FAT1: variants seen among roughly 807,000 people sequenced by gnomAD.
FAT1 encodes the protein protocadherin Fat 1.
In FAT1, 171 loss-of-function variants were observed where a neutral mutation model predicts 329.8. The observed-to-expected ratio is 0.52, with a 90% confidence interval of 0.46 to 0.59. The LOEUF is 0.59. Ranked by LOEUF, FAT1 falls within the 20% of genes least tolerant of loss-of-function variation. The probability of loss-of-function intolerance (pLI) is 0.00; values close to 1 mark genes in which losing one functional copy is unlikely to be tolerated. For missense variants in FAT1, 5,672 were observed against 5,774.4 expected, an observed-to-expected ratio of 0.98 and a Z score of 0.57; for synonymous variants, 2,233 against 2,228.6, an observed-to-expected ratio of 1.00 and a Z score of -0.06.
chr4:186,679,877 T>C (rs1743133999), intron 2 of FAT1, among the ~76,000 whole-genome samples: 1 of 152,368 alleles, frequency 6.6e-6, no homozygotes, highest in East Asian at 1.9e-4. Flanking sequence ...TGTAGCAGGC[T>C]ATTTGTTAAA....
At position 186,603,855 on chromosome 4, in the gene FAT1, T is replaced by G. The variant is rs527571565; in HGVS notation, c.10671A>C (p.Glu3557Asp). ...PLEIFITSSG[E>D]EYSGGVIGKI... ...TCCCAATGACGCCACCTGAGTATTC[T>G]TCTCCAGAAGAGGTGATGAAAATCT... Residue 3557 changes from glutamate to aspartate, a missense_variant, in exon 19 of 27, where the codon GAA (glutamate) becomes GAC (aspartate). By Grantham distance (45) the Glu-to-Asp change is conservative. Around this residue, in one of 2 missense-constraint regions of FAT1, gnomAD observed 1,706 missense variants for 1,859.1 expected, o/e 0.92. Transcript: ENST00000441802. 8.7e-6 allele frequency: 14 copies of G among 1,613,946 alleles called. No homozygotes were observed. In the African/African-American group the frequency reaches 9.3e-5, roughly 11 times the overall value.
rs372899179 is a variant in FAT1 at position 186,618,579 on chromosome 4, G to T, written c.8007C>A (p.Phe2669Leu). 9.3e-6 allele frequency: 15 copies of T among 1,613,924 alleles called. No homozygotes were observed. In the African/African-American group the frequency reaches 2.0e-4, roughly 22 times the overall value. The stretch of plus-strand genomic sequence containing the variant: ...TATCCACAGCTCTAACAAAGAAAGT[G>T]AAGAATTCATTTTCCAAGCCAATGA... ...ESLIGLENEF[F>L]TFFVRAVDNG... The change falls in exon 10 of 27, where the codon TTC becomes TTA. Residue 2669 changes from phenylalanine (F) to leucine (L), a missense_variant. Physicochemically the swap from Phe to Leu is conservative, Grantham distance 22. Around this residue, in one of 2 missense-constraint regions of FAT1, gnomAD observed 3,966 missense variants for 3,915.2 expected, o/e 1.01. Coordinates refer to ENST00000441802, the MANE Select transcript of FAT1 (RefSeq NM_005245.4).
intron 3 of FAT1, among the ~76,000 whole-genome samples, chr4:186,659,125 A>T (rs1742048859): frequency 6.6e-6 from 1 of 152,180 alleles, no homozygotes; most frequent in South Asian, 2.1e-4. Flanking sequence ...AATGTGTTAC[A>T]ACTGCCTGCA....
Position 186,628,593 on chromosome 4 carries a change from A to T in FAT1, c.4494T>A (p.Asp1498Glu), listed in dbSNP as rs757240764. Residue 1498 changes from aspartate to glutamate, a missense_variant, in exon 8 of 27, where the codon GAT becomes GAA. Transcript: ENST00000441802. ...GACGAAATTTCTTGAGACTCAGTGG[A>T]TCTCTACTGCTCTGCAGAGTGTAGA... ...KLIYTLQSSR[D>E]PLSLKKFRLD... The T allele has an allele frequency of 6.2e-7, 1 of 1,613,940 alleles. No individual in the cohort carries two copies. Among genetic ancestry groups the T allele is most frequent in the Non-Finnish European group, 8.5e-7 (1 of 1,179,884 alleles).
At chr4:186,645,928 A>T (rs1400045767) in intron 3 of FAT1, among the ~76,000 whole-genome samples, 1 of 137,500 alleles carries the variant, frequency 7.3e-6, no homozygotes, top group African/African-American at 2.8e-5. Context: ...CTTAGGTTAC[A>T]GAGTGAGACT....
chr4:186,666,024 C>T (rs1349262076), intron 2 of FAT1, among the ~76,000 whole-genome samples: 9 of 107,486 alleles, frequency 8.4e-5, no homozygotes, highest in East Asian at 2.7e-4. Flanking sequence ...CATCACACAC[C>T]GGGGCCTGTC....
chr4:186,724,267 G>A (rs1000007580), upstream of FAT1, among the ~76,000 whole-genome samples: 4 of 151,310 alleles, frequency 2.6e-5, no homozygotes, highest in African/African-American at 9.8e-5. The surrounding 1 kb of genome is among the most constrained non-coding windows in gnomAD (Gnocchi z 5.3). Flanking sequence ...TAGCCTTCTG[G>A]GAGCCCCTGA....
chr4:186,631,150 G>A (rs1740565287), intron 7 of FAT1, among the ~76,000 whole-genome samples: 1 of 152,140 alleles, frequency 6.6e-6, no homozygotes, highest in Non-Finnish European at 1.5e-5. Context: ...ATACACAATG[G>A]CTGCTCTGTT....
intron 2 of FAT1, among the ~76,000 whole-genome samples, chr4:186,682,148 T>C (rs368223475): frequency 6.6e-6 from 1 of 152,196 alleles, no homozygotes; most frequent in African/African-American, 2.4e-5. Flanking sequence ...AAAACCTAGG[T>C]TGCCACCCAG....
At chr4:186,670,755 G>A (rs566184353) in intron 2 of FAT1, among the ~76,000 whole-genome samples, 1 of 152,258 alleles carries the variant, frequency 6.6e-6, no homozygotes, top group Admixed American at 6.5e-5. Flanking sequence ...TCAATAGTGA[G>A]TGCTTATAAA....
chr4:186,686,267 G>C (rs1249519961), intron 2 of FAT1, among the ~76,000 whole-genome samples: 1 of 141,594 alleles, frequency 7.1e-6, no homozygotes, highest in Admixed American at 7.8e-5. Context: ...AAGAAAACAT[G>C]TAGCGATTTT....
At chr4:186,676,212 G>A (rs1381354404) in intron 2 of FAT1, among the ~76,000 whole-genome samples, 3 of 150,946 alleles carry the variant, frequency 2.0e-5, no homozygotes, top group Non-Finnish European at 4.4e-5. Context: ...ATGAGTTCCT[G>A]CTTGAATTTT....
chr4:186,710,864 G>C lies in FAT1; in HGVS notation c.-18-1019C>G, dbSNP rs533185102. ...CCCTGGGTGACTGGCGGAGAAAAGA[G>C]AGAAACTGAAGAAATGAAGAAAACG... On this transcript the variant is annotated intron_variant, in intron 1 of 26. Coordinates refer to ENST00000441802, the MANE Select transcript of FAT1 (RefSeq NM_005245.4). Among the ~76,000 whole-genome samples the C allele has an allele frequency of 1.1e-4, 16 of 152,328 alleles. No individual in the cohort carries two copies. In the South Asian group the frequency reaches 3.1e-3, roughly 30 times the overall value.
rs2126496275 is a variant in FAT1, at chr4:186,618,523, A to T, written c.8063T>A (p.Leu2688His). Residue 2688 changes from leucine to histidine, a missense_variant, in exon 10 of 27, where the codon CTT becomes CAT. Transcript: ENST00000441802. The stretch of plus-strand genomic sequence containing the variant: ...CGGTGGAAGGATTTTAACATAGACA[A>T]GAACAACAGATTCTTTTGATGGAGA... ...NGSPSKESVV[L>H]VYVKILPPEM... is the part of the protein sequence containing the mutation. 3 of 1,614,052 alleles carry T rather than the reference A, an allele frequency of 1.9e-6. No homozygotes were observed. Among genetic ancestry groups the T allele is most frequent in the Non-Finnish European group, 2.5e-6 (3 of 1,179,906 alleles).
Position 186,611,518 on chromosome 4 carries a change from CA to C in FAT1, c.9720del (p.Glu3241ArgfsTer29). On this transcript the variant is annotated frameshift_variant, in exon 14 of 27. Transcript: ENST00000441802. LOFTEE classifies it high-confidence loss of function. The stretch of plus-strand genomic sequence containing the variant: ...ACTTCAGTTCCAACAAGAATGTCCT[CA>C]GACACGGTGGCACCATATTCACGGT... ...FEYREYGATV[S>X]EDILVGTEVL... The C allele has an allele frequency of 6.2e-7, 1 of 1,614,036 alleles. No homozygotes were observed. Among genetic ancestry groups the C allele is most frequent in the Non-Finnish European group, 8.5e-7 (1 of 1,179,906 alleles).
At chr4:186,701,960 C>T (rs912656020) in intron 2 of FAT1, among the ~76,000 whole-genome samples, 8 of 151,624 alleles carry the variant, frequency 5.3e-5, no homozygotes, top group South Asian at 2.1e-4. Context: ...AGGAGCCGAC[C>T]CCACACAGGT....
intron 26 of FAT1, among the ~76,000 whole-genome samples, chr4:186,590,016 C>T (rs1738158908): frequency 2.0e-5 from 3 of 152,078 alleles, no homozygotes; most frequent in African/African-American, 7.2e-5. Context: ...TACAATTGAA[C>T]AAGCGTTGCA....
At chr4:186,672,116 C>T (rs957015063) in intron 2 of FAT1, among the ~76,000 whole-genome samples, 23 of 151,830 alleles carry the variant, frequency 1.5e-4, no homozygotes, top group Non-Finnish European at 1.0e-4. Context: ...TATGTAAAGA[C>T]CAATGTTTAA....
At chr4:186,670,947 T>C (rs1742697515) in intron 2 of FAT1, among the ~76,000 whole-genome samples, 1 of 152,184 alleles carries the variant, frequency 6.6e-6, no homozygotes. Context: ...ACTGATTCTT[T>C]AATTGTAACA....
Sources: allele counts gnomAD v4.1 joint callset (sites outside exome capture counted in the v4.1 genomes callset), GRCh38; gene constraint gnomAD v4.1.1; regional missense constraint gnomAD v4.1.1; non-coding constraint Gnocchi (gnomAD v3.1); transcripts MANE v1.5; gene names NCBI Gene and HGNC (gene_info 2026-07-23, HGNC 2026-07-21).